ACSS3: variants seen among roughly 807,000 people sequenced by gnomAD.
ACSS3 encodes the protein acyl-CoA synthetase short chain family member 3, also known as acyl-CoA synthetase short-chain family member 3, mitochondrial.
A neutral mutation model predicts 84.2 loss-of-function variants in ACSS3; 64 were observed. The ratio of observed to expected loss-of-function variants is 0.76; its 90% CI spans 0.62 to 0.94. ACSS3 has a LOEUF of 0.94. ACSS3 is among the 40% of genes least tolerant of loss of function. ACSS3 has a pLI of 0.00. For missense variants in ACSS3, 815 were observed against 867.6 expected (o/e 0.94, Z 0.76); for synonymous variants, 317 against 310.1 (o/e 1.02, Z -0.23).
rs542099297 is a variant in ACSS3, at chr12:81,181,709, A to G, written c.1250+6770A>G. On this transcript the variant is annotated intron_variant, in intron 8 of 15. Coordinates refer to ENST00000548058, the MANE Select transcript of ACSS3 (RefSeq NM_024560.4). ...AAAGAAATATATATCATAAAAAAGA[A>G]TCAGAAATCTTGAAGCCAAAGATTT... Among the ~76,000 whole-genome samples the G allele has an allele frequency of 1.6e-3, 245 of 150,628 alleles. 1 individual carries two copies. The highest frequency in any genetic ancestry group is 2.3e-3 in the Non-Finnish European group (154 of 67,686).
intron 2 of ACSS3, among the ~76,000 whole-genome samples, chr12:81,121,859 G>C (rs1232096189): frequency 6.6e-6 from 1 of 151,824 alleles, no homozygotes; most frequent in Non-Finnish European, 1.5e-5. Flanking sequence ...TTCTGCATGA[G>C]ATTACAAAAA....
rs149709961 is a variant in ACSS3, at chr12:81,147,866, TACAC to T, written c.922-3960_922-3957del. The stretch of plus-strand genomic sequence containing the variant: ...ATTGTTTCTTGTCAGGCTGAATTGA[TACAC>T]ACACACACACACACACAAACGCACA... On this transcript the variant is annotated intron_variant, in intron 5 of 15. Coordinates refer to ENST00000548058, the MANE Select transcript of ACSS3 (RefSeq NM_024560.4). Among the ~76,000 whole-genome samples, 465 of 149,016 alleles carry T rather than the reference TACAC, an allele frequency of 3.1e-3. 5 individuals are homozygous for T. In the Middle Eastern group the frequency reaches 0.034, roughly 11 times the overall value.
intron 3 of ACSS3, among the ~76,000 whole-genome samples, chr12:81,137,789 A>G (rs961036876): frequency 4.0e-5 from 6 of 151,792 alleles, no homozygotes; most frequent in Admixed American, 6.6e-5. Context: ...ATCTAGAGCT[A>G]TTTTTGTGAG....
intron 2 of ACSS3, among the ~76,000 whole-genome samples, chr12:81,128,742 G>T (rs1885283151): frequency 6.6e-6 from 1 of 152,094 alleles, no homozygotes; most frequent in African/African-American, 2.4e-5. Context: ...AGACATTTAT[G>T]GTAGGATAAG....
intron 5 of ACSS3, among the ~76,000 whole-genome samples, chr12:81,149,191 T>A (rs1003363873): frequency 3.9e-5 from 6 of 152,178 alleles, no homozygotes; most frequent in African/African-American, 1.4e-4. Flanking sequence ...TGAGTATTTT[T>A]ACTTCATATT....
At chr12:81,078,783 T>C (rs1880786252) in intron 1 of ACSS3, among the ~76,000 whole-genome samples, 1 of 152,036 alleles carries the variant, frequency 6.6e-6, no homozygotes, top group African/African-American at 2.4e-5. Context: ...AAGCAAGCGG[T>C]ACAAGAAACT....
intron 9 of ACSS3, among the ~76,000 whole-genome samples, chr12:81,203,145 T>C (rs933000226): frequency 6.6e-6 from 1 of 152,170 alleles, no homozygotes; most frequent in Non-Finnish European, 1.5e-5. Flanking sequence ...ATATAAGTTC[T>C]GGACTCCAAA....
At chr12:81,180,101 C>T (rs1226266057) in intron 8 of ACSS3, among the ~76,000 whole-genome samples, 1 of 152,048 alleles carries the variant, frequency 6.6e-6, no homozygotes, top group Admixed American at 6.5e-5. Flanking sequence ...GAGGTGTAGA[C>T]CATTATCCTA....
chr12:81,143,760 A>G (rs1886200452), intron 5 of ACSS3, among the ~76,000 whole-genome samples: 2 of 152,232 alleles, frequency 1.3e-5, no homozygotes, highest in African/African-American at 2.4e-5. Context: ...CAATTTATCC[A>G]AAGTATTGAA....
chr12:81,248,493 T>A (rs2034053082), intron 13 of ACSS3, among the ~76,000 whole-genome samples: 1 of 151,954 alleles, frequency 6.6e-6, no homozygotes, highest in South Asian at 2.1e-4. Flanking sequence ...ATATGGGATC[T>A]GGGATAGTTT....
chr12:81,194,702 G>A (rs1336265127), intron 8 of ACSS3, among the ~76,000 whole-genome samples: 3 of 151,790 alleles, frequency 2.0e-5, no homozygotes, highest in Admixed American at 1.3e-4. Flanking sequence ...AAAAGCAATA[G>A]GAATATACTG....
At chr12:81,232,311 A>G (rs1021334221) in intron 12 of ACSS3, among the ~76,000 whole-genome samples, 1 of 151,786 alleles carries the variant, frequency 6.6e-6, no homozygotes, top group Non-Finnish European at 1.5e-5. Context: ...TTATGTCTAC[A>G]CTATGTGAAG....
At chr12:81,173,672 TC>T (rs2030250659) in intron 7 of ACSS3, among the ~76,000 whole-genome samples, 1 of 152,142 alleles carries the variant, frequency 6.6e-6, no homozygotes, top group African/African-American at 2.4e-5. Flanking sequence ...TTTTTGTTGT[TC>T]CCTATTTGGG....
chr12:81,157,198 C>T (rs1226177612), intron 7 of ACSS3, among the ~76,000 whole-genome samples: 1 of 152,148 alleles, frequency 6.6e-6, no homozygotes, highest in African/African-American at 2.4e-5. Flanking sequence ...AAGGCTGCTT[C>T]AATATCTGAA....
At chr12:81,253,195 C>G in intron 13 of ACSS3, 112 bp from the exon 14 acceptor site, 2 of 1,185,082 alleles carry the variant, frequency 1.7e-6, no homozygotes, top group Non-Finnish European at 2.4e-6. Context: ...ACTTTTTTCC[C>G]CAACTGAAAT....
At chr12:81,226,995 A>G (rs2033295817) in intron 11 of ACSS3, among the ~76,000 whole-genome samples, 1 of 150,586 alleles carries the variant, frequency 6.6e-6, no homozygotes, top group Non-Finnish European at 1.5e-5. Context: ...ACACACATAT[A>G]TATATACATA....
At chr12:81,241,516 G>A (rs1173081485) in intron 13 of ACSS3, among the ~76,000 whole-genome samples, 3 of 151,984 alleles carry the variant, frequency 2.0e-5, no homozygotes, top group Admixed American at 1.3e-4. Flanking sequence ...TGACTTTTTA[G>A]TGATCGCCAT....
intron 2 of ACSS3, among the ~76,000 whole-genome samples, chr12:81,126,349 T>C (rs1885094544): frequency 6.6e-6 from 1 of 152,224 alleles, no homozygotes; most frequent in Admixed American, 6.5e-5. Flanking sequence ...ATTCTTTGTC[T>C]GTGTATTTTC....
chr12:81,227,700 A>T (rs2033316753), intron 11 of ACSS3, among the ~76,000 whole-genome samples: 1 of 151,840 alleles, frequency 6.6e-6, no homozygotes, highest in Non-Finnish European at 1.5e-5. Context: ...CAGTTTCTGC[A>T]TGTCAAATTC....
Sources: allele counts gnomAD v4.1 joint callset (sites outside exome capture counted in the v4.1 genomes callset), GRCh38; gene constraint gnomAD v4.1.1; transcripts MANE v1.5; gene names NCBI Gene and HGNC (gene_info 2026-07-23, HGNC 2026-07-21).